FBXL4: variants seen among roughly 807,000 people sequenced by gnomAD.
The protein encoded by FBXL4 is F-box and leucine rich repeat protein 4.
FBXL4 carries 40 observed loss-of-function variants against 58.9 expected under a neutral mutation model. That is an observed-to-expected ratio of 0.68 (90% confidence interval 0.53 to 0.88). FBXL4 has a LOEUF of 0.88. Ranked by LOEUF, FBXL4 falls within the 40% of genes least tolerant of loss-of-function variation. The probability of loss-of-function intolerance (pLI) is 0.00; values close to 1 mark genes in which losing one functional copy is unlikely to be tolerated. For missense variants in FBXL4, 676 were observed against 734.4 expected (o/e 0.92, Z 0.92); for synonymous variants, 263 against 265.5 (o/e 0.99, Z 0.09).
intron 4 of FBXL4, among the ~76,000 whole-genome samples, chr6:98,924,924 G>C (rs1018483823): frequency 1.3e-5 from 2 of 152,148 alleles, no homozygotes; most frequent in African/African-American, 4.8e-5. Flanking sequence ...GAATGAGAGC[G>C]GGAATTTTTA....
chr6:98,926,375 A>G, intron 4 of FBXL4, 102 bp downstream of exon 4: 1 of 1,269,048 alleles, frequency 7.9e-7, no homozygotes, highest in Non-Finnish European at 1.1e-6. Flanking sequence ...ATCAAATTCA[A>G]TTAAGTTACT....
chr6:98,894,711 G>A (rs1771353300), intron 7 of FBXL4, among the ~76,000 whole-genome samples: 2 of 152,128 alleles, frequency 1.3e-5, no homozygotes, highest in African/African-American at 4.8e-5. Flanking sequence ...TGAGTCTAAT[G>A]AAATTCAACA....
rs1157983369 is a variant in FBXL4 at position 98,872,438 on chromosome 6, CA to C, written c.*1839del. 3 of 152,116 alleles carry C rather than the reference CA, an allele frequency of 2.0e-5. No homozygotes were observed. The highest frequency in any genetic ancestry group is 4.8e-5 in the African/African-American group (2 of 41,432). 9.4% of individuals were successfully genotyped at this position (152,116 alleles called of 1,614,324 possible). On this transcript the variant is annotated 3_prime_UTR_variant, in exon 10 of 10. Coordinates refer to ENST00000369244, the MANE Select transcript of FBXL4 (RefSeq NM_001278716.2). ...TACATAAAATCTTATTACAGATCAG[CA>C]TTAACAAATGAGTACTTACAATCAA...
intron 1 of FBXL4, among the ~76,000 whole-genome samples, chr6:98,942,074 GA>G (rs11285691): frequency 0.29 from 42,527 of 144,796 alleles, 6,444 homozygotes; most frequent in East Asian, 0.5. Flanking sequence ...AATTCTAAAG[GA>G]AAAAAAAAAT....
rs774709441 is a variant in FBXL4, at chr6:98,874,399, T to G, written c.1745A>C (p.Glu582Ala). Reference sequence around the variant, plus strand: ...AAGTAAAGAAAGATCTTTACAAGATTCCAGGAGTTTTCTTAAGGATGCCGG... The same window carrying G: ...AAGTAAAGAAAGATCTTTACAAGATGCCAGGAGTTTTCTTAAGGATGCCGG... ...VSPASLRKLLESCKDLSLLDV... is the reference protein window; with the variant it reads ...VSPASLRKLLASCKDLSLLDV... The change falls in exon 10 of 10, where the codon GAA becomes GCA. Residue 582 changes from glutamate (E) to alanine (A), a missense_variant. By Grantham distance (107) the Glu-to-Ala change is moderately radical (BLOSUM62 -1). Coordinates refer to ENST00000369244, the MANE Select transcript of FBXL4 (RefSeq NM_001278716.2). 6.2e-7 allele frequency: 1 copy of G among 1,611,468 alleles called. No individual in the cohort carries two copies. Among genetic ancestry groups the G allele is most frequent in the South Asian group, 1.1e-5 (1 of 90,682 alleles).
At chr6:98,906,989 A>AT (rs1448705712) in intron 5 of FBXL4, among the ~76,000 whole-genome samples, 1 of 152,160 alleles carries the variant, frequency 6.6e-6, no homozygotes, top group African/African-American at 2.4e-5. Flanking sequence ...GTGTCTGTTC[A>AT]TATTCTTTGC....
In FBXL4 at chr6:98,871,228, T is replaced by C. The variant is rs1770482957; in HGVS notation, c.*3050A>G. 6.6e-6 allele frequency: 1 copy of C among 152,222 alleles called. No homozygotes were observed. Among genetic ancestry groups the C allele is most frequent in the Non-Finnish European group, 1.5e-5 (1 of 68,034 alleles). The allele number at this position is 152,222 out of a possible 1,614,324, so 9.4% of individuals were successfully genotyped here. On this transcript the variant is annotated 3_prime_UTR_variant, in exon 10 of 10. Coordinates refer to ENST00000369244, the MANE Select transcript of FBXL4 (RefSeq NM_001278716.2). ...TGAAGGACTGTGTCCAAAGTAAACT[T>C]AAGACTATTAAATTAGCCTTTTGGC...
chr6:98,900,635 G>A (rs577053782), intron 6 of FBXL4, among the ~76,000 whole-genome samples: 4 of 152,168 alleles, frequency 2.6e-5, no homozygotes, highest in East Asian at 3.9e-4. Context: ...GAAATACTAC[G>A]CAAATGCAGT....
intron 2 of FBXL4, among the ~76,000 whole-genome samples, chr6:98,928,818 T>C (rs1394410997): frequency 6.6e-6 from 1 of 152,254 alleles, no homozygotes; most frequent in African/African-American, 2.4e-5. Flanking sequence ...CAATCTCTTC[T>C]TGTCTAACCC....
At position 98,874,452 on chromosome 6, in the gene FBXL4, G is replaced by GAAAAA; in HGVS notation, c.1703-12_1703-11insTTTTT. ...TTACCATTCTTGTTCCTATTTAAGGGAAACAAAACAAAACAAAACAAAACA... is the reference window on the plus strand; with the variant it reads ...TTACCATTCTTGTTCCTATTTAAGGGAAAAAAAACAAAACAAAACAAAACAAAACA... On this transcript the variant is annotated splice_polypyrimidine_tract_variant and intron_variant, in intron 9 of 9. Coordinates refer to ENST00000369244, the MANE Select transcript of FBXL4 (RefSeq NM_001278716.2). 6.3e-7 allele frequency: 1 copy of GAAAAA among 1,595,008 alleles called. No homozygotes were observed. Among genetic ancestry groups the GAAAAA allele is most frequent in the South Asian group, 1.1e-5 (1 of 87,748 alleles).
intron 5 of FBXL4, among the ~76,000 whole-genome samples, chr6:98,915,754 A>G (rs954158725): frequency 9.2e-5 from 14 of 152,272 alleles, no homozygotes; most frequent in African/African-American, 1.4e-4. Flanking sequence ...CAGGACATAG[A>G]CATGGGAAAG....
chr6:98,900,140 CA>C (rs1741581544), intron 6 of FBXL4, among the ~76,000 whole-genome samples: 1 of 152,128 alleles, frequency 6.6e-6, no homozygotes, highest in Non-Finnish European at 1.5e-5. Flanking sequence ...GTAGTTACCA[CA>C]ATATTTATGT....
At chr6:98,935,293 T>A (rs1582452849) in intron 1 of FBXL4, among the ~76,000 whole-genome samples, 1 of 144,268 alleles carries the variant, frequency 6.9e-6, no homozygotes, top group Non-Finnish European at 1.5e-5. Context: ...ATAGGATGAG[T>A]GGAATGGTTT....
chr6:98,889,046 T>G (rs1264132401), intron 7 of FBXL4, among the ~76,000 whole-genome samples: 1 of 152,190 alleles, frequency 6.6e-6, no homozygotes, highest in South Asian at 2.1e-4. Context: ...GTTGGTCACA[T>G]GACACTCAGC....
At chr6:98,875,755 A>C in intron 8 of FBXL4, 28 bp from the exon 9 acceptor site, 1 of 1,599,872 alleles carries the variant, frequency 6.3e-7, no homozygotes, top group Admixed American at 1.7e-5. Context: ...CCAATCTTTT[A>C]CATGTTATGC....
At position 98,926,777 on chromosome 6, in the gene FBXL4, A is replaced by T. The variant is rs541130492; in HGVS notation, c.212T>A (p.Met71Lys). 1.2e-6 allele frequency: 2 copies of T among 1,614,082 alleles called. No individual in the cohort carries two copies. The highest frequency in any genetic ancestry group is 2.7e-5 in the African/African-American group (2 of 74,918). Residue 71 changes from methionine to lysine, a missense_variant, in exon 4 of 10, where the codon ATG becomes AAG. Met to Lys is a moderately conservative substitution (Grantham distance 95). Coordinates refer to ENST00000369244, the MANE Select transcript of FBXL4 (RefSeq NM_001278716.2). ...AGCCAAATTCCACATAGTATAGGAC[A>T]TACTATTCTCACTTCCATAATGGGA... ...FSSHYGSENS[M>K]SYTMWNLAGV...
At chr6:98,883,727 T>C (rs1770932822) in intron 7 of FBXL4, among the ~76,000 whole-genome samples, 2 of 151,746 alleles carry the variant, frequency 1.3e-5, no homozygotes, top group Admixed American at 1.3e-4. Flanking sequence ...ATGAGTCTAC[T>C]TCTGGGTCAT....
chr6:98,887,742 G>A (rs1771089542), intron 7 of FBXL4, among the ~76,000 whole-genome samples: 1 of 152,178 alleles, frequency 6.6e-6, no homozygotes, highest in African/African-American at 2.4e-5. Context: ...ATTGCGAGAT[G>A]GAAGTGATGG....
chr6:98,899,186 C>T (rs1207076628), intron 7 of FBXL4, 82 bp downstream of exon 7: 11 of 1,554,362 alleles, frequency 7.1e-6, no homozygotes, highest in Non-Finnish European at 9.5e-6. Context: ...ATAAAAAACA[C>T]ATTATTATGA....
Sources: allele counts gnomAD v4.1 joint callset (sites outside exome capture counted in the v4.1 genomes callset), GRCh38; gene constraint gnomAD v4.1.1; transcripts MANE v1.5; gene names NCBI Gene and HGNC (gene_info 2026-07-23, HGNC 2026-07-21).